The following SEM1 variants were observed in gnomAD, a reference collection of about 807,000 sequenced individuals.
The protein encoded by SEM1 is 26S proteasome complex subunit SEM1.
In SEM1, 3 loss-of-function variants were observed where a neutral mutation model predicts 12.7. The ratio of observed to expected loss-of-function variants is 0.24; its 90% CI spans 0.11 to 0.61. The LOEUF (loss-of-function observed/expected upper bound fraction) is 0.61, where lower values mean the gene tolerates loss of function less well. Ranked by LOEUF, SEM1 falls within the 20% of genes least tolerant of loss-of-function variation. SEM1 has a pLI of 0.88. For synonymous variants in SEM1, 30 were observed against 27.8 expected (o/e 1.08, Z -0.25); for missense variants, 59 against 81.3 (o/e 0.73, Z 1.06).
intron 2 of SEM1, among the ~76,000 whole-genome samples, chr7:96,643,860 T>A (rs1301687999): frequency 1.3e-5 from 2 of 152,106 alleles, no homozygotes; most frequent in Non-Finnish European, 2.9e-5. Context: ...TTAAGTAAGA[T>A]AAGAATAATA....
intron 2 of SEM1, among the ~76,000 whole-genome samples, chr7:96,540,444 A>C (rs929839555): frequency 6.6e-6 from 1 of 151,842 alleles, no homozygotes; most frequent in African/African-American, 2.4e-5. Flanking sequence ...AGGGGAAAAT[A>C]ATTAATATTA....
At chr7:96,600,312 C>T (rs1298161123) in intron 2 of SEM1, among the ~76,000 whole-genome samples, 2 of 152,056 alleles carry the variant, frequency 1.3e-5, no homozygotes, top group Admixed American at 6.6e-5. Flanking sequence ...GAACAGACTC[C>T]AGAATTTAGG....
chr7:96,547,774 C>T (rs930619260), intron 2 of SEM1, among the ~76,000 whole-genome samples: 2 of 152,012 alleles, frequency 1.3e-5, no homozygotes, highest in Admixed American at 6.6e-5. Flanking sequence ...CTAGATGAGC[C>T]GCACTGGGCC....
At chr7:96,585,227 C>T (rs539628107) in intron 2 of SEM1, among the ~76,000 whole-genome samples, 2,025 of 152,200 alleles carry the variant, frequency 0.013, 39 homozygotes, top group African/African-American at 0.046. Flanking sequence ...AATACCCTGC[C>T]GTGTGAGGTG....
chr7:96,582,411 A>C (rs1806442338), intron 2 of SEM1, among the ~76,000 whole-genome samples: 2 of 150,474 alleles, frequency 1.3e-5, no homozygotes, highest in African/African-American at 4.9e-5. Flanking sequence ...AATGTTCATC[A>C]AGGATATTGG....
chr7:96,523,531 T>A (rs1224969448), intron 2 of SEM1, among the ~76,000 whole-genome samples: 1 of 152,142 alleles, frequency 6.6e-6, no homozygotes, highest in Admixed American at 6.6e-5. Flanking sequence ...GCATATTTCT[T>A]GGTTCCCCAC....
intron 2 of SEM1, among the ~76,000 whole-genome samples, chr7:96,572,362 A>C (rs941739133): frequency 1.3e-5 from 2 of 152,010 alleles, no homozygotes; most frequent in Non-Finnish European, 2.9e-5. Context: ...TAGTTCCTTT[A>C]ATCGTGATGT....
chr7:96,693,138 A>G (rs1022614082), intron 2 of SEM1, among the ~76,000 whole-genome samples: 4 of 152,054 alleles, frequency 2.6e-5, no homozygotes, highest in African/African-American at 9.7e-5. Context: ...CTGCATTACT[A>G]TTAGAAATCA....
chr7:96,611,650 A>G (rs1425837029), intron 2 of SEM1, among the ~76,000 whole-genome samples: 1 of 152,242 alleles, frequency 6.6e-6, no homozygotes, highest in Non-Finnish European at 1.5e-5. Context: ...GATGAGTTTG[A>G]TGAATACCAT....
chr7:96,519,539 G>A (rs1383631372), intron 2 of SEM1, among the ~76,000 whole-genome samples: 2 of 152,072 alleles, frequency 1.3e-5, no homozygotes, highest in African/African-American at 4.8e-5. Context: ...GGTTGGTGAT[G>A]AGGAAGAGGG....
intron 2 of SEM1, among the ~76,000 whole-genome samples, chr7:96,605,698 T>C (rs1279484488): frequency 6.6e-6 from 1 of 152,216 alleles, no homozygotes. Flanking sequence ...ATAGAGTTCC[T>C]ACTGATACTT....
chr7:96,528,016 T>C (rs1804522741), intron 2 of SEM1, among the ~76,000 whole-genome samples: 1 of 152,146 alleles, frequency 6.6e-6, no homozygotes, highest in Admixed American at 6.5e-5. Flanking sequence ...TGTTTCTGTA[T>C]TTTGCTGATT....
intron 2 of SEM1, among the ~76,000 whole-genome samples, chr7:96,641,548 C>A (rs1808610383): frequency 6.6e-6 from 1 of 151,996 alleles, no homozygotes; most frequent in Non-Finnish European, 1.5e-5. Flanking sequence ...AGAGAAGGTA[C>A]ATTTTGTTTT....
At chr7:96,512,196 G>A (rs994929926) in intron 2 of SEM1, among the ~76,000 whole-genome samples, 4 of 152,032 alleles carry the variant, frequency 2.6e-5, no homozygotes, top group African/African-American at 9.7e-5. Flanking sequence ...CCCATATCAG[G>A]AAAATTAATT....
chr7:96,495,422 G>A (rs74525547), intron 1 of SEM1, among the ~76,000 whole-genome samples: 5,209 of 152,234 alleles, frequency 0.034, 299 homozygotes, highest in African/African-American at 0.12. Context: ...AATGCAATCT[G>A]TAGGAGAGAC....
chr7:96,507,862 CT>C (rs1803806202), intron 2 of SEM1, among the ~76,000 whole-genome samples: 1 of 152,052 alleles, frequency 6.6e-6, no homozygotes, highest in African/African-American at 2.4e-5. Context: ...GAAAATTCTG[CT>C]GACTACCTAC....
At position 96,560,508 on chromosome 7, in the gene SEM1, CTTGA is replaced by C. The variant is rs1734983013; in HGVS notation, c.171-53814_171-53811del. On this transcript the variant is annotated intron_variant and NMD_transcript_variant, in intron 2 of 3. Transcript: ENST00000466986. ...TTTTTGTTTTATAGTACCAACAGTA[CTTGA>C]TAGGATAAGAATATCAACTCTTTGT... 2.6e-5 allele frequency among the ~76,000 whole-genome samples: 4 copies of C among 152,054 alleles called. No homozygotes were observed. The South Asian group carries it at 8.3e-4, about 32-fold the overall frequency.
chr7:96,704,010 C>CACACACACACACATAT (rs1390081341), intron 1 of SEM1, among the ~76,000 whole-genome samples: 4 of 143,744 alleles, frequency 2.8e-5, no homozygotes, highest in African/African-American at 1.0e-4. Context: ...CACACACACA[C>CACACACACACACATAT]ATACATAAAA....
chr7:96,577,071 T>C (rs6971488), intron 2 of SEM1, among the ~76,000 whole-genome samples: 145,634 of 151,942 alleles, frequency 0.96, 70,002 homozygotes, highest in Non-Finnish European at 0.99. Context: ...GAGCTGAGAT[T>C]GCACCACTGC....
Sources: allele counts gnomAD v4.1 joint callset (sites outside exome capture counted in the v4.1 genomes callset), GRCh38; gene constraint gnomAD v4.1.1; transcripts MANE v1.5; gene names NCBI Gene and HGNC (gene_info 2026-07-23, HGNC 2026-07-21).